Variants in ZNF470 observed in about 807,000 individuals in gnomAD.
The protein encoded by ZNF470 is zinc finger protein 470, also known as chondrogenesis zinc finger protein 1.
Under a neutral mutation model 13.9 loss-of-function variants are expected in ZNF470, and 13 were observed. That is an observed-to-expected ratio of 0.94 (90% CI 0.61 to 1.49). ZNF470 has a LOEUF of 1.49. ZNF470 is among the 40% of genes most tolerant of loss of function. The pLI is 0.00. For missense variants in ZNF470, 929 were observed against 857.3 expected (o/e 1.08, Z -1.04); for synonymous variants, 293 against 282.9 (o/e 1.04, Z -0.36).
Position 56,581,525 on chromosome 19 carries a change from T to C in ZNF470, c.*2942T>C. 4 of 821,340 alleles carry C rather than the reference T, an allele frequency of 4.9e-6. No homozygotes were observed. The highest frequency in any genetic ancestry group is 5.9e-6 in the Non-Finnish European group (4 of 680,614). 50.9% of individuals were successfully genotyped at this position (821,340 alleles called of 1,614,324 possible). A position where few individuals can be genotyped will look rare whatever the true frequency, so the allele number is the denominator to read the frequency against. Reference sequence around the variant, plus strand: ...GTGTCCATCAGGGTAATAAATAAATTAATTATGGTATATATCCATTCAATA... The same window carrying C: ...GTGTCCATCAGGGTAATAAATAAATCAATTATGGTATATATCCATTCAATA... On this transcript the variant is annotated 3_prime_UTR_variant, in exon 6 of 6. Coordinates refer to ENST00000330619, the MANE Select transcript of ZNF470 (RefSeq NM_001001668.4).
Position 56,578,080 on chromosome 19 carries a change from C to T in ZNF470, c.1651C>T (p.His551Tyr). Residue 551 changes from histidine to tyrosine, a missense_variant, in exon 6 of 6, where the codon CAC becomes TAC. By Grantham distance (83) the His-to-Tyr change is moderately conservative. Transcript: ENST00000330619. ...TGGTAAGGCCTTCAGTCAGATTGCACACCTTGTTCAGCACCAGAGAGTTCA... is the reference window on the plus strand; with the variant it reads ...TGGTAAGGCCTTCAGTCAGATTGCATACCTTGTTCAGCACCAGAGAGTTCA... ...ECGKAFSQIA[H>Y]LVQHQRVHTG... The T allele has an allele frequency of 6.2e-7, 1 of 1,613,866 alleles. No individual in the cohort carries two copies. The highest frequency in any genetic ancestry group is 8.5e-7 in the Non-Finnish European group (1 of 1,179,920).
intron 3 of ZNF470, among the ~76,000 whole-genome samples, chr19:56,571,386 G>A (rs576719198): frequency 8.5e-5 from 13 of 152,112 alleles, no homozygotes; most frequent in Non-Finnish European, 7.4e-5. Flanking sequence ...ATTCCTTGTG[G>A]ATTAAAGTTT....
rs2044531654 is a variant in ZNF470 at position 56,581,047 on chromosome 19, C to T, written c.*2464C>T. 3 of 985,090 alleles carry T rather than the reference C, an allele frequency of 3.0e-6. No homozygotes were observed. Among genetic ancestry groups the T allele is most frequent in the East Asian group, 1.1e-4 (1 of 8,834 alleles). 61.0% of individuals were successfully genotyped at this position (985,090 alleles called of 1,614,324 possible). A position where few individuals can be genotyped will look rare whatever the true frequency, so the allele number is the denominator to read the frequency against. On this transcript the variant is annotated 3_prime_UTR_variant, in exon 6 of 6. Coordinates refer to ENST00000330619, the MANE Select transcript of ZNF470 (RefSeq NM_001001668.4). ...CACTAATGCATAACCCCAAAGCTGA[C>T]ATTAGGCTTTTATATGGTGGAAAAC... is the stretch of plus-strand genomic sequence containing the variant.
chr19:56,576,943 G>T lies in ZNF470; in HGVS notation c.514G>T (p.Asp172Tyr). The T allele has an allele frequency of 6.3e-7, 1 of 1,582,240 alleles. No individual in the cohort carries two copies. Among genetic ancestry groups the T allele is most frequent in the Non-Finnish European group, 8.5e-7 (1 of 1,169,704 alleles). Residue 172 changes from aspartate to tyrosine, a missense_variant, in exon 6 of 6, where the codon GAT (aspartate) becomes TAT (tyrosine). Physicochemically the swap from Asp to Tyr is radical, Grantham distance 160. Coordinates refer to ENST00000330619, the MANE Select transcript of ZNF470 (RefSeq NM_001001668.4). ...TATAGATACTCTTATTGAAAAAAGA[G>T]ATCACTCTAACAAATCTGGGACAGT... is the stretch of plus-strand genomic sequence containing the variant. Reference protein sequence around the residue: ...THIDTLIEKRDHSNKSGTVFH... With the variant: ...THIDTLIEKRYHSNKSGTVFH...
chr19:56,569,814 C>A (rs1272723652), intron 2 of ZNF470, among the ~76,000 whole-genome samples: 1 of 151,876 alleles, frequency 6.6e-6, no homozygotes, highest in African/African-American at 2.4e-5. Flanking sequence ...TATAGTGAGA[C>A]CCCCATCTCT....
rs953902110 is a variant in ZNF470 at position 56,582,317 on chromosome 19, C to T, written c.*3734C>T. 1.0e-6 allele frequency: 1 copy of T among 985,210 alleles called. No individual in the cohort carries two copies. The highest frequency in any genetic ancestry group is 1.2e-6 in the Non-Finnish European group (1 of 829,886). 61.0% of individuals were successfully genotyped at this position (985,210 alleles called of 1,614,324 possible). ...CTGCTTGGAATAACTTAAAGTTTAGCTCTTGAATTTCTAGCATTAAGGCAA... is the reference window on the plus strand; with the variant it reads ...CTGCTTGGAATAACTTAAAGTTTAGTTCTTGAATTTCTAGCATTAAGGCAA... On this transcript the variant is annotated 3_prime_UTR_variant, in exon 6 of 6. Coordinates refer to ENST00000330619, the MANE Select transcript of ZNF470 (RefSeq NM_001001668.4).
Position 56,570,387 on chromosome 19 carries a change from C to T in ZNF470, c.60+16C>T. 3.1e-6 allele frequency: 5 copies of T among 1,612,456 alleles called. No individual in the cohort carries two copies. Among genetic ancestry groups the T allele is most frequent in the Non-Finnish European group, 4.2e-6 (5 of 1,178,584 alleles). On this transcript the variant is annotated intron_variant, in intron 3 of 5. Transcript: ENST00000330619. The stretch of plus-strand genomic sequence containing the variant: ...CATGTCCCTGGTGAGTTAGTATTCC[C>T]CCTCTCCCCACTAAAATAGTTTTGC...
intron 4 of ZNF470, 29 bp downstream of exon 4, chr19:56,574,549 C>G (rs2044476215): frequency 1.2e-6 from 2 of 1,612,788 alleles, no homozygotes; most frequent in Non-Finnish European, 1.7e-6. Context: ...TGTTGCCTCC[C>G]CATGACTCAG....
chr19:56,574,681 A>G lies in ZNF470; in HGVS notation c.231A>G (p.Gln77=). The G allele has an allele frequency of 6.2e-7, 1 of 1,613,708 alleles. No individual in the cohort carries two copies. The highest frequency in any genetic ancestry group is 8.5e-7 in the Non-Finnish European group (1 of 1,179,698). Residue 77 remains glutamine, a synonymous_variant, in exon 5 of 6, where the codon CAA becomes CAG. Transcript: ENST00000330619. ...SKPDVISLLE[Q]EKDPWVIKGG... ...CAGATGTGATCTCCTTACTGGAGCA[A>G]GAGAAAGACCCTTGGGTGATAAAAG...
In ZNF470 at chr19:56,579,309, C is replaced by A; in HGVS notation, c.*726C>A. ...TGGTGGTGCACACCTGTAGTCCTAG[C>A]TACTCAGGAGGCTGAAGCAGGAGGA... On this transcript the variant is annotated 3_prime_UTR_variant, in exon 6 of 6. Coordinates refer to ENST00000330619, the MANE Select transcript of ZNF470 (RefSeq NM_001001668.4). The A allele has an allele frequency of 1.7e-6, 1 of 584,666 alleles. No homozygotes were observed. The highest frequency in any genetic ancestry group is 2.1e-6 in the Non-Finnish European group (1 of 468,570). 36.2% of individuals were successfully genotyped at this position (584,666 alleles called of 1,614,324 possible). A position where few individuals can be genotyped will look rare whatever the true frequency, so the allele number is the denominator to read the frequency against.
Position 56,579,225 on chromosome 19 carries a change from C to T in ZNF470, c.*642C>T. The T allele has an allele frequency of 1.2e-6, 1 of 804,300 alleles. No homozygotes were observed. Among genetic ancestry groups the T allele is most frequent in the Non-Finnish European group, 1.5e-6 (1 of 665,144 alleles). 49.8% of individuals were successfully genotyped at this position (804,300 alleles called of 1,614,324 possible). On this transcript the variant is annotated 3_prime_UTR_variant, in exon 6 of 6. Transcript: ENST00000330619. ...TTGCTTGAGCTCAGGAGTTCGAGAC[C>T]AACCTGAGCAACATGGTGAAACCCT...
At position 56,580,353 on chromosome 19, in the gene ZNF470, G is replaced by A. The variant is rs2044526263; in HGVS notation, c.*1770G>A. 1 of 187,774 alleles carries A rather than the reference G, an allele frequency of 5.3e-6. No individual in the cohort carries two copies. Among genetic ancestry groups the A allele is most frequent in the Non-Finnish European group, 9.9e-6 (1 of 100,770 alleles). The allele number at this position is 187,774 out of a possible 1,614,324, so 11.6% of individuals were successfully genotyped here. On this transcript the variant is annotated 3_prime_UTR_variant, in exon 6 of 6. Transcript: ENST00000330619. ...TGTTGATTTAGAAGCTGGTGGAAGGGTATTTTTTGAGTGACAGCTTTATTG... is the reference window on the plus strand; with the variant it reads ...TGTTGATTTAGAAGCTGGTGGAAGGATATTTTTTGAGTGACAGCTTTATTG...
In ZNF470 at chr19:56,581,261, A is replaced by G. The variant is rs971879548; in HGVS notation, c.*2678A>G. On this transcript the variant is annotated 3_prime_UTR_variant, in exon 6 of 6. Transcript: ENST00000330619. ...TTAATGAAAATTATCCAATATCACT[A>G]GAAATCAAGAAATGCAAATTAAAGT... 4 of 630,022 alleles carry G rather than the reference A, an allele frequency of 6.3e-6. No homozygotes were observed. In the African/African-American group the frequency reaches 8.0e-5, roughly 13 times the overall value. 39.0% of individuals were successfully genotyped at this position (630,022 alleles called of 1,614,324 possible).
chr19:56,576,254 C>A (rs1181122074), intron 5 of ZNF470, among the ~76,000 whole-genome samples: 1 of 151,954 alleles, frequency 6.6e-6, no homozygotes. Flanking sequence ...AAGTTACCAT[C>A]AGAGAAATGT....
Position 56,580,019 on chromosome 19 carries a change from C to T in ZNF470, c.*1436C>T, listed in dbSNP as rs973444761. 40 of 437,370 alleles carry T rather than the reference C, an allele frequency of 9.1e-5. No individual in the cohort carries two copies. Among genetic ancestry groups the T allele is most frequent in the Non-Finnish European group, 1.2e-4 (38 of 329,718 alleles). 27.1% of individuals were successfully genotyped at this position (437,370 alleles called of 1,614,324 possible). On this transcript the variant is annotated 3_prime_UTR_variant, in exon 6 of 6. Transcript: ENST00000330619. ...GGTACAAGATGGACAAAAATACGTG[C>T]TCTTACAGATCTAGTAGAACAGAAA...
At chr19:56,569,145 T>C (rs1406853723) in intron 2 of ZNF470, among the ~76,000 whole-genome samples, 1 of 152,226 alleles carries the variant, frequency 6.6e-6, no homozygotes, top group Non-Finnish European at 1.5e-5. Context: ...ATCATCATTA[T>C]GATAATCCTT....
Position 56,567,560 on chromosome 19 carries a change from C to T in ZNF470, c.-637C>T. On this transcript the variant is annotated 5_prime_UTR_variant, in exon 1 of 6. Transcript: ENST00000330619. Reference sequence around the variant, plus strand: ...GGGCGGGGCAGCGGCCGAGGCTGGACTGGGGCGCGGCGGGGGCGGTGTCCT... The same window carrying T: ...GGGCGGGGCAGCGGCCGAGGCTGGATTGGGGCGCGGCGGGGGCGGTGTCCT... The T allele has an allele frequency of 1.0e-6, 1 of 985,764 alleles. No homozygotes were observed. The highest frequency in any genetic ancestry group is 1.1e-4 in the East Asian group (1 of 8,700). 61.1% of individuals were successfully genotyped at this position (985,764 alleles called of 1,614,324 possible). A position where few individuals can be genotyped will look rare whatever the true frequency, so the allele number is the denominator to read the frequency against.
At position 56,574,479 on chromosome 19, in the gene ZNF470, A is replaced by G. The variant is rs765719682; in HGVS notation, c.146A>G (p.Lys49Arg). 1.9e-6 allele frequency: 3 copies of G among 1,613,844 alleles called. No individual in the cohort carries two copies. Among genetic ancestry groups the G allele is most frequent in the African/African-American group, 1.3e-5 (1 of 74,938 alleles). The change falls in exon 4 of 6, where the codon AAG (lysine) becomes AGG (arginine). Residue 49 changes from lysine (K) to arginine (R), a missense_variant. Physicochemically the swap from Lys to Arg is conservative, Grantham distance 26. Transcript: ENST00000330619. ...WLNLAQRSLY[K>R]KVMLENYRNL... ...AATCTTGCTCAGAGAAGTTTGTACA[A>G]GAAGGTGATGTTAGAAAACTACAGG...
At chr19:56,575,446 C>T (rs4239476) in intron 5 of ZNF470, among the ~76,000 whole-genome samples, 110,485 of 149,550 alleles carry the variant, frequency 0.74, 41,034 homozygotes, top group African/African-American at 0.81. Flanking sequence ...CAGGGTATTT[C>T]ATTCAATTTT....
Sources: allele counts gnomAD v4.1 joint callset (sites outside exome capture counted in the v4.1 genomes callset), GRCh38; gene constraint gnomAD v4.1.1; transcripts MANE v1.5; gene names NCBI Gene and HGNC (gene_info 2026-07-23, HGNC 2026-07-21).